ASCC1: variants seen among roughly 807,000 people sequenced by gnomAD.
The protein encoded by ASCC1 is activating signal cointegrator 1 complex subunit 1.
Under a neutral mutation model 46.6 loss-of-function variants are expected in ASCC1, and 35 were observed. The observed-to-expected ratio is 0.75, with a 90% CI of 0.57 to 0.99. The LOEUF (loss-of-function observed/expected upper bound fraction) is 0.99, where lower values mean the gene tolerates loss of function less well. Ranked by LOEUF, ASCC1 falls within the 50% of genes least tolerant of loss-of-function variation. The probability of loss-of-function intolerance (pLI) is 0.00; values close to 1 mark genes in which losing one functional copy is unlikely to be tolerated. For synonymous variants in ASCC1, 143 were observed against 146.6 expected (o/e 0.98, Z 0.18); for missense variants, 376 against 428.7 (o/e 0.88, Z 1.09).
intron 6 of ASCC1, 92 bp from the exon 7 acceptor site, chr10:72,153,080 T>C (rs1848558397): frequency 6.6e-7 from 1 of 1,510,018 alleles, no homozygotes; most frequent in Non-Finnish European, 9.1e-7. Context: ...TAGTCAAATA[T>C]GTATGTTACT....
chr10:72,129,597 T>C (rs939876368), intron 8 of ASCC1, among the ~76,000 whole-genome samples: 2 of 150,928 alleles, frequency 1.3e-5, no homozygotes, highest in Non-Finnish European at 3.0e-5. Flanking sequence ...AGGTCAGGAG[T>C]TGGAGACTAA....
chr10:72,121,278 G>C (rs1844166056), intron 9 of ASCC1, among the ~76,000 whole-genome samples: 1 of 152,016 alleles, frequency 6.6e-6, no homozygotes, highest in South Asian at 2.1e-4. Flanking sequence ...AAAGTAGCTG[G>C]GACTACAGGC....
intron 9 of ASCC1, among the ~76,000 whole-genome samples, chr10:72,119,314 T>G (rs1488732724): frequency 2.0e-5 from 3 of 152,206 alleles, no homozygotes; most frequent in Admixed American, 6.5e-5. Flanking sequence ...AGAAACTATT[T>G]TACCAGAGCC....
intron 5 of ASCC1, among the ~76,000 whole-genome samples, chr10:72,168,051 C>A (rs923292325): frequency 2.6e-5 from 4 of 152,038 alleles, no homozygotes; most frequent in Non-Finnish European, 5.9e-5. Context: ...ACTAGCCGGG[C>A]GTGGTGGCAC....
intron 5 of ASCC1, among the ~76,000 whole-genome samples, chr10:72,191,217 C>A (rs1346812196): frequency 1.3e-5 from 2 of 149,100 alleles, no homozygotes; most frequent in African/African-American, 5.0e-5. Flanking sequence ...GCCACCATGC[C>A]CAGCTAATTT....
At chr10:72,144,220 C>T (rs1179997256) in intron 7 of ASCC1, among the ~76,000 whole-genome samples, 1 of 152,080 alleles carries the variant, frequency 6.6e-6, no homozygotes. Flanking sequence ...CATGATCCAC[C>T]CGCCTCGGCC....
chr10:72,155,521 C>T (rs1291521603), intron 6 of ASCC1, among the ~76,000 whole-genome samples: 1 of 152,164 alleles, frequency 6.6e-6, no homozygotes, highest in Non-Finnish European at 1.5e-5. Context: ...TCATCAACTA[C>T]ACCTAAGATC....
chr10:72,102,543 T>G, intron 9 of ASCC1: 1 of 709,094 alleles, frequency 1.4e-6, no homozygotes, highest in Non-Finnish European at 2.5e-6. Flanking sequence ...TGCAAATACA[T>G]GTATTTCCTC....
At chr10:72,213,061 C>T in intron 2 of ASCC1, 126 bp downstream of exon 2, 1 of 698,644 alleles carries the variant, frequency 1.4e-6, no homozygotes, top group South Asian at 1.5e-5. Flanking sequence ...ATAAATGGAG[C>T]TATATGAGGC....
intron 3 of ASCC1, among the ~76,000 whole-genome samples, chr10:72,209,652 TG>T: frequency 6.6e-6 from 1 of 152,042 alleles, no homozygotes; most frequent in Non-Finnish European, 1.5e-5. Flanking sequence ...GGCATGGTGG[TG>T]GGCACCTATT....
intron 9 of ASCC1, 124 bp downstream of exon 9, chr10:72,127,957 TA>T (rs1038350956): frequency 0.036 from 19,950 of 555,850 alleles, no homozygotes; most frequent in Middle Eastern, 0.042. Context: ...TTTAGATAAT[TA>T]AAAAAAAAAA....
chr10:72,186,949 G>GAAA (rs58308871), intron 5 of ASCC1, among the ~76,000 whole-genome samples: 2 of 101,168 alleles, frequency 2.0e-5, no homozygotes, highest in Admixed American at 1.1e-4. Context: ...CACATGCCCA[G>GAAA]AAAAAAAAAA....
intron 6 of ASCC1, among the ~76,000 whole-genome samples, chr10:72,153,277 G>A (rs1388320733): frequency 6.6e-6 from 1 of 152,204 alleles, no homozygotes; most frequent in Non-Finnish European, 1.5e-5. Flanking sequence ...GTCAAGTGAT[G>A]ACAGTTCTGA....
chr10:72,200,469 A>C (rs1449426853), intron 4 of ASCC1, among the ~76,000 whole-genome samples: 5 of 151,950 alleles, frequency 3.3e-5, no homozygotes, highest in Non-Finnish European at 5.9e-5. Flanking sequence ...ATCAACATGG[A>C]GAAACCCCAT....
chr10:72,199,382 C>T (rs1366421619), intron 4 of ASCC1, among the ~76,000 whole-genome samples: 1 of 150,852 alleles, frequency 6.6e-6, no homozygotes, highest in Non-Finnish European at 1.5e-5. Context: ...ACTGCAACCT[C>T]CGCCTCCCGG....
At chr10:72,206,405 CA>C (rs1038287488) in intron 3 of ASCC1, among the ~76,000 whole-genome samples, 2 of 149,596 alleles carry the variant, frequency 1.3e-5, no homozygotes, top group African/African-American at 2.5e-5. Flanking sequence ...ACTCCCGTCT[CA>C]AAAAAAAATA....
At chr10:72,181,255 C>A (rs912916706) in intron 5 of ASCC1, among the ~76,000 whole-genome samples, 1 of 151,932 alleles carries the variant, frequency 6.6e-6, no homozygotes, top group East Asian at 1.9e-4. Context: ...TGAGCCACCG[C>A]GCCCGGCCTA....
chr10:72,118,431 C>T (rs971859259), intron 9 of ASCC1, among the ~76,000 whole-genome samples: 6 of 150,550 alleles, frequency 4.0e-5, no homozygotes, highest in African/African-American at 9.8e-5. Flanking sequence ...AATATTGAAT[C>T]GAATAATAAA....
chr10:72,184,194 A>G (rs1249922479), intron 5 of ASCC1, among the ~76,000 whole-genome samples: 1 of 151,862 alleles, frequency 6.6e-6, no homozygotes, highest in East Asian at 1.9e-4. Context: ...AAAGCGGTAC[A>G]AAGAAGAGAT....
Sources: allele counts gnomAD v4.1 joint callset (sites outside exome capture counted in the v4.1 genomes callset), GRCh38; gene constraint gnomAD v4.1.1; transcripts MANE v1.5; gene names NCBI Gene and HGNC (gene_info 2026-07-23, HGNC 2026-07-21).